CCDC60: variants seen among roughly 807,000 people sequenced by gnomAD.
CCDC60 encodes the protein coiled-coil domain-containing protein 60.
Under a neutral mutation model 63.5 loss-of-function variants are expected in CCDC60, and 54 were observed. The observed-to-expected ratio is 0.85, with a 90% confidence interval of 0.68 to 1.07. The LOEUF (loss-of-function observed/expected upper bound fraction) is 1.07, where lower values mean the gene tolerates loss of function less well. Ranked by LOEUF, CCDC60 falls within the 50% of genes least tolerant of loss-of-function variation. CCDC60 has a pLI of 0.00. For missense variants in CCDC60, 651 were observed against 684.3 expected (o/e 0.95, Z 0.54); for synonymous variants, 206 against 238.8 (o/e 0.86, Z 1.27).
At chr12:119,526,669 A>G (rs1366651431) in intron 11 of CCDC60, among the ~76,000 whole-genome samples, 2 of 152,354 alleles carry the variant, frequency 1.3e-5, no homozygotes, top group South Asian at 4.1e-4. Context: ...AAAGCTCAAC[A>G]TCACTGATCA....
At chr12:119,487,436 T>C (rs564334351) in intron 4 of CCDC60, among the ~76,000 whole-genome samples, 7 of 152,084 alleles carry the variant, frequency 4.6e-5, no homozygotes, top group African/African-American at 1.7e-4. Context: ...TAGCTGGGAT[T>C]ACAGGGGCCT....
chr12:119,438,550 T>C (rs142338191), intron 2 of CCDC60, among the ~76,000 whole-genome samples: 335 of 152,348 alleles, frequency 2.2e-3, no homozygotes, highest in African/African-American at 7.6e-3. Flanking sequence ...TTCACTTCTC[T>C]AGACCTCAGT....
chr12:119,407,492 A>T (rs1956515834), intron 1 of CCDC60, among the ~76,000 whole-genome samples: 1 of 152,210 alleles, frequency 6.6e-6, no homozygotes, highest in African/African-American at 2.4e-5. Context: ...TGATCATGCC[A>T]CTGCACTCCA....
At chr12:119,372,503 T>A (rs1955907746) in intron 1 of CCDC60, among the ~76,000 whole-genome samples, 1 of 152,088 alleles carries the variant, frequency 6.6e-6, no homozygotes, top group Non-Finnish European at 1.5e-5. Context: ...GTAACATAAA[T>A]CAAGACAGAG....
intron 9 of CCDC60, among the ~76,000 whole-genome samples, chr12:119,521,190 T>A (rs1952519076): frequency 6.6e-6 from 1 of 152,232 alleles, no homozygotes; most frequent in African/African-American, 2.4e-5. Flanking sequence ...GGATTAGTGT[T>A]GAGTATAAAT....
chr12:119,428,634 AG>A, intron 1 of CCDC60, 48 bp from the exon 2 acceptor site: 1 of 1,280,300 alleles, frequency 7.8e-7, no homozygotes, highest in Non-Finnish European at 1.1e-6. Flanking sequence ...TCCATTTGGA[AG>A]CATTGTATTA....
At chr12:119,495,781 A>C (rs1369689828) in intron 5 of CCDC60, among the ~76,000 whole-genome samples, 6 of 152,068 alleles carry the variant, frequency 3.9e-5, no homozygotes, top group Non-Finnish European at 5.9e-5. Flanking sequence ...AACAGACAAC[A>C]CCCCAGCTCT....
intron 2 of CCDC60, among the ~76,000 whole-genome samples, chr12:119,444,976 T>C (rs1242681019): frequency 5.3e-5 from 8 of 152,126 alleles, no homozygotes; most frequent in Non-Finnish European, 8.8e-5. Context: ...AGCATTTTAA[T>C]AGATGAACAG....
In CCDC60 at chr12:119,410,597, C is replaced by T. The variant is rs927777228; in HGVS notation, c.91-18086C>T. Among the ~76,000 whole-genome samples the T allele has an allele frequency of 2.6e-5, 4 of 151,974 alleles. No homozygotes were observed. Among genetic ancestry groups the T allele is most frequent in the Admixed American group, 1.3e-4 (2 of 15,252 alleles). On this transcript the variant is annotated intron_variant, in intron 1 of 13. Coordinates refer to ENST00000327554, the MANE Select transcript of CCDC60 (RefSeq NM_178499.5). This position sits in a 1 kb window ranked among gnomAD's most constrained non-coding sequence, Gnocchi z 4.0. The stretch of plus-strand genomic sequence containing the variant: ...ACACACACAGGCACACACACACATC[C>T]CATACTCTGCATTCCAACCATTCCA...
intron 2 of CCDC60, among the ~76,000 whole-genome samples, chr12:119,449,703 G>A (rs536478332): frequency 2.0e-5 from 3 of 152,282 alleles, no homozygotes; most frequent in East Asian, 1.9e-4. Flanking sequence ...CATTTAAGGA[G>A]CTCAGTCTAG....
At chr12:119,365,175 G>A (rs1241779162) in intron 1 of CCDC60, among the ~76,000 whole-genome samples, 1 of 152,178 alleles carries the variant, frequency 6.6e-6, no homozygotes, top group East Asian at 1.9e-4. Flanking sequence ...GTCATAGCAG[G>A]ATTCGAACCC....
chr12:119,494,649 GTA>G (rs1332054561), intron 5 of CCDC60, among the ~76,000 whole-genome samples: 1 of 152,142 alleles, frequency 6.6e-6, no homozygotes, highest in Non-Finnish European at 1.5e-5. Context: ...ACACATATGA[GTA>G]AAAGGCAACC....
At chr12:119,357,970 A>G (rs1401442362) in intron 1 of CCDC60, among the ~76,000 whole-genome samples, 1 of 152,198 alleles carries the variant, frequency 6.6e-6, no homozygotes, top group East Asian at 1.9e-4. Context: ...GTGAAGAGGA[A>G]GCAGGCATGT....
At chr12:119,454,333 G>A (rs769105364) in intron 2 of CCDC60, among the ~76,000 whole-genome samples, 1 of 152,112 alleles carries the variant, frequency 6.6e-6, no homozygotes, top group Admixed American at 6.5e-5. Flanking sequence ...AGTTTGATGA[G>A]ATAATGCATA....
rs1952569514 is a variant in CCDC60, at chr12:119,522,938, G to C, written c.1041-1G>C. Reference sequence around the variant, plus strand: ...CTTGAAACCATCCTTTTGTGTTTCAGTGAGAGATCCAGCAGTACAAGTGCA... The same window carrying C: ...CTTGAAACCATCCTTTTGTGTTTCACTGAGAGATCCAGCAGTACAAGTGCA... On this transcript the variant is annotated splice_acceptor_variant, in intron 9 of 13. Transcript: ENST00000327554. LOFTEE classifies it high-confidence loss of function. 2 of 1,614,006 alleles carry C rather than the reference G, an allele frequency of 1.2e-6. No homozygotes were observed. The highest frequency in any genetic ancestry group is 2.7e-5 in the African/African-American group (2 of 74,916).
intron 2 of CCDC60, among the ~76,000 whole-genome samples, chr12:119,465,311 C>T (rs1451010591): frequency 6.6e-6 from 1 of 151,908 alleles, no homozygotes; most frequent in Middle Eastern, 3.2e-3. Context: ...GAGACTCCAT[C>T]TCAAAAAAAT....
At chr12:119,366,281 A>G (rs1388636268) in intron 1 of CCDC60, among the ~76,000 whole-genome samples, 1 of 152,220 alleles carries the variant, frequency 6.6e-6, no homozygotes, top group East Asian at 1.9e-4. Context: ...AGTATACTAA[A>G]TATACTAAGC....
chr12:119,377,781 A>G (rs1163231824), intron 1 of CCDC60, among the ~76,000 whole-genome samples: 1 of 152,176 alleles, frequency 6.6e-6, no homozygotes. Context: ...CTGTGTGAAC[A>G]CAGGCTCTTA....
In CCDC60 at chr12:119,524,716, C is replaced by CTTTTTTTTTTTTTTTTTTTTTTTTTT. The variant is rs1416953138; in HGVS notation, c.1229+902_1229+903insTTTTTTTTTTTTTTTTTTTTTTTTTT. Among the ~76,000 whole-genome samples the CTTTTTTTTTTTTTTTTTTTTTTTTTT allele has an allele frequency of 1.3e-4, 12 of 90,592 alleles. 1 individual carries two copies. The highest frequency in any genetic ancestry group is 6.4e-4 in the African/African-American group (12 of 18,826). The allele number at this position is 90,592 out of a possible 152,430, so 59.4% of individuals were successfully genotyped here. ...AGGAAACAGCAGTTTCTTTTCTTTT[C>CTTTTTTTTTTTTTTTTTTTTTTTTTT]TTTTCTTTTTTTTTTTTTTTTTTTG... On this transcript the variant is annotated intron_variant, in intron 11 of 13. Coordinates refer to ENST00000327554, the MANE Select transcript of CCDC60 (RefSeq NM_178499.5).
Sources: gnomAD v4.1 joint callset for allele counts (sites outside exome capture counted in the v4.1 genomes callset) on GRCh38, gnomAD v4.1.1 for gene constraint, Gnocchi (gnomAD v3.1) non-coding constraint, MANE v1.5 for transcripts, NCBI Gene and HGNC (gene_info 2026-07-23, HGNC 2026-07-21) for gene names.